Variants in ANXA4 observed in about 807,000 individuals in gnomAD.
ANXA4 encodes the protein annexin A4, also known as 35-beta calcimedin.
A neutral mutation model predicts 49.8 loss-of-function variants in ANXA4; 39 were observed. The ratio of observed to expected loss-of-function variants is 0.78; its 90% CI spans 0.61 to 1.02. ANXA4 has a LOEUF of 1.02. ANXA4 is among the 50% of genes least tolerant of loss of function. The pLI, the probability that ANXA4 is intolerant of heterozygous loss-of-function variation, is 0.00. For missense variants in ANXA4, 360 were observed against 410.1 expected (o/e 0.88, Z 1.05); for synonymous variants, 134 against 152.5 (o/e 0.88, Z 0.89).
rs1250075422 is a variant in ANXA4 at position 69,818,639 on chromosome 2, A to G, written c.669A>G (p.Glu223=). 3 of 1,611,908 alleles carry G rather than the reference A, an allele frequency of 1.9e-6. No homozygotes were observed. Among genetic ancestry groups the G allele is most frequent in the Middle Eastern group, 1.7e-4 (1 of 6,060 alleles). ...AAAGGATATCACAGAAGGATATTGA[A>G]CAGAGTATTAAATCTGAAACATCTG... is the stretch of plus-strand genomic sequence containing the variant. ...EYKRISQKDI[E]QSIKSETSGS... The change falls in exon 10 of 13, where the codon GAA becomes GAG. Residue 223 remains glutamate (E), a synonymous_variant. Coordinates refer to ENST00000394295, the MANE Select transcript of ANXA4 (RefSeq NM_001153.5).
At chr2:69,647,334 G>A (rs139703685) in intron 1 of ANXA4, among the ~76,000 whole-genome samples, 50 of 151,884 alleles carry the variant, frequency 3.3e-4, no homozygotes, top group African/African-American at 1.2e-3. Context: ...TCTTCCATAT[G>A]CCAGTTATGG....
At chr2:69,643,848 G>T (rs554538805), upstream of ANXA4, 1 of 1,180,376 alleles carries the variant, frequency 8.5e-7, no homozygotes, top group South Asian at 4.3e-5. Context: ...AGGGACCGGG[G>T]CCTCTCCTGC....
intron 3 of ANXA4, among the ~76,000 whole-genome samples, chr2:69,735,607 G>GAA (rs68067564): frequency 0.19 from 29,126 of 149,880 alleles, 3,227 homozygotes; most frequent in East Asian, 0.35. Context: ...GCCACTCTGG[G>GAA]AAAAAAAAAA....
rs368854648 is a variant in ANXA4, at chr2:69,658,804, C to G, written n.766+5522C>G. Among the ~76,000 whole-genome samples, 64 of 152,308 alleles carry G rather than the reference C, an allele frequency of 4.2e-4. No homozygotes were observed. The South Asian group carries it at 0.013, about 30-fold the overall frequency. ...CCGCCTCCCTGGTTCAAGCGATTCT[C>G]CTGCCTCAGCCTCCTGAGTAGCTGG... On this transcript the variant is annotated intron_variant and non_coding_transcript_variant, in intron 2 of 3. Transcript: ENST00000418066.
intron 5 of ANXA4, among the ~76,000 whole-genome samples, chr2:69,806,979 C>A (rs1673467466): frequency 6.6e-6 from 1 of 152,074 alleles, no homozygotes; most frequent in African/African-American, 2.4e-5. Flanking sequence ...TGCACATGTA[C>A]CCCTGCACTT....
At chr2:69,678,914 T>G (rs140001667) in intron 2 of ANXA4, among the ~76,000 whole-genome samples, 1 of 152,246 alleles carries the variant, frequency 6.6e-6, no homozygotes, top group African/African-American at 2.4e-5. Flanking sequence ...TATTTAAATT[T>G]TAAGTTATTT....
intron 6 of ANXA4, chr2:69,808,509 C>G (rs556618921): frequency 2.6e-5 from 4 of 156,416 alleles, no homozygotes; most frequent in African/African-American, 7.2e-5. Flanking sequence ...TAAAAATGCA[C>G]AGAGGTTCAG....
chr2:69,716,329 T>C (rs1223713086), intron 2 of ANXA4, among the ~76,000 whole-genome samples: 1 of 151,976 alleles, frequency 6.6e-6, no homozygotes, highest in Non-Finnish European at 1.5e-5. Flanking sequence ...TCCTGAGAAA[T>C]ACAATACTGG....
intron 1 of ANXA4, among the ~76,000 whole-genome samples, chr2:69,651,827 GGGC>G (rs199539017): frequency 0.15 from 6,787 of 44,962 alleles, 767 homozygotes; most frequent in Middle Eastern, 0.23. Context: ...TGGGGGGGGG[GGGC>G]GGGGAGACAG....
chr2:69,792,817 G>T (rs1325011063), intron 3 of ANXA4, among the ~76,000 whole-genome samples: 1 of 152,148 alleles, frequency 6.6e-6, no homozygotes, highest in Non-Finnish European at 1.5e-5. Context: ...TGTAAAACCT[G>T]TTAGGTTGTT....
At chr2:69,715,102 A>C (rs1220584663) in intron 2 of ANXA4, among the ~76,000 whole-genome samples, 1 of 152,234 alleles carries the variant, frequency 6.6e-6, no homozygotes, top group Non-Finnish European at 1.5e-5. Context: ...GTTTCAGTGG[A>C]CAGAAATCAA....
chr2:69,683,993 TTTAAG>T (rs1677695471), intron 2 of ANXA4, among the ~76,000 whole-genome samples: 1 of 152,098 alleles, frequency 6.6e-6, no homozygotes, highest in African/African-American at 2.4e-5. Flanking sequence ...AGTTGATTGT[TTTAAG>T]TTGTGTTATG....
chr2:69,740,198 TTTTC>T (rs1171547744), upstream of ANXA4, among the ~76,000 whole-genome samples: 9 of 152,164 alleles, frequency 5.9e-5, no homozygotes, highest in East Asian at 1.9e-4. Flanking sequence ...TAGCTTAATT[TTTTC>T]TTTCTTTTTC....
At chr2:69,660,716 A>G (rs1345750959) in intron 2 of ANXA4, among the ~76,000 whole-genome samples, 1 of 152,124 alleles carries the variant, frequency 6.6e-6, no homozygotes, top group African/African-American at 2.4e-5. Context: ...ACACAATTAA[A>G]GAGAAAGAAC....
chr2:69,708,883 C>T (rs1001070095), intron 2 of ANXA4, among the ~76,000 whole-genome samples: 1 of 151,888 alleles, frequency 6.6e-6, no homozygotes, highest in Non-Finnish European at 1.5e-5. Flanking sequence ...CAAGAAGGGT[C>T]ACACGTGCCT....
At chr2:69,645,451 A>G (rs1055257896) in intron 1 of ANXA4, among the ~76,000 whole-genome samples, 2 of 152,198 alleles carry the variant, frequency 1.3e-5, no homozygotes, top group African/African-American at 4.8e-5. Context: ...AATAGATGAG[A>G]AAGCTCATTT....
At chr2:69,714,756 C>A (rs1422563708) in intron 2 of ANXA4, among the ~76,000 whole-genome samples, 1 of 152,218 alleles carries the variant, frequency 6.6e-6, no homozygotes, top group Non-Finnish European at 1.5e-5. Flanking sequence ...GTGCCTGAGT[C>A]GGTCAGCAGG....
chr2:69,702,862 A>G (rs983870167), intron 2 of ANXA4, among the ~76,000 whole-genome samples: 1 of 152,194 alleles, frequency 6.6e-6, no homozygotes, highest in Non-Finnish European at 1.5e-5. Context: ...AAAACTGTTC[A>G]TTTCTAAGCA....
At chr2:69,732,362 G>A (rs1670128428) in intron 3 of ANXA4, among the ~76,000 whole-genome samples, 1 of 152,114 alleles carries the variant, frequency 6.6e-6, no homozygotes, top group Admixed American at 6.5e-5. Context: ...TGTAGATCAG[G>A]TAAACGAGAA....
Sources: gnomAD v4.1 joint callset for allele counts (sites outside exome capture counted in the v4.1 genomes callset) on GRCh38, gnomAD v4.1.1 for gene constraint, MANE v1.5 for transcripts, NCBI Gene and HGNC (gene_info 2026-07-23, HGNC 2026-07-21) for gene names.